The following TMX3 variants were observed in gnomAD, a reference collection of about 807,000 sequenced individuals.
TMX3 encodes the protein thioredoxin related transmembrane protein 3.
Under a neutral mutation model 64.4 loss-of-function variants are expected in TMX3, and 40 were observed. That is an observed-to-expected ratio of 0.62 (90% CI 0.48 to 0.81). The LOEUF (loss-of-function observed/expected upper bound fraction) is 0.81. TMX3 is among the 30% of genes least tolerant of loss of function. TMX3 has a pLI of 0.00. For missense variants in TMX3, 497 were observed against 534.5 expected, an observed-to-expected ratio of 0.93 and a Z score of 0.69; for synonymous variants, 189 against 175.7, an observed-to-expected ratio of 1.08 and a Z score of -0.60.
chr18:68,710,382 TGATTTAAAACA>T (rs2031155396), intron 3 of TMX3, among the ~76,000 whole-genome samples: 1 of 152,206 alleles, frequency 6.6e-6, no homozygotes, highest in Non-Finnish European at 1.5e-5. Context: ...AATTGACTAC[TGATTTAAAACA>T]GATATACAAT....
intron 14 of TMX3, 28 bp downstream of exon 14, chr18:68,680,953 C>T: frequency 6.5e-7 from 1 of 1,543,544 alleles, no homozygotes; most frequent in East Asian, 2.3e-5. Context: ...TGTCCATCAT[C>T]TCTTTGAAAC....
intron 6 of TMX3, among the ~76,000 whole-genome samples, chr18:68,698,979 G>A (rs975848597): frequency 6.7e-6 from 1 of 150,262 alleles, no homozygotes; most frequent in African/African-American, 2.5e-5. Context: ...CCGAGACAGC[G>A]CCACTGCAGT....
intron 13 of TMX3, among the ~76,000 whole-genome samples, chr18:68,682,710 T>G (rs1203437559): frequency 9.0e-6 from 1 of 111,560 alleles, no homozygotes; most frequent in Non-Finnish European, 1.6e-5. Context: ...AGGAGATAAT[T>G]TTTTTTTTTT....
intron 9 of TMX3, chr18:68,690,081 T>A (rs1001029021): frequency 2.6e-4 from 40 of 152,334 alleles, no homozygotes; most frequent in African/African-American, 9.4e-4. Context: ...ATGCTACTTA[T>A]AATAAAACAA....
intron 6 of TMX3, among the ~76,000 whole-genome samples, chr18:68,699,863 G>A (rs1453131669): frequency 6.6e-6 from 1 of 152,118 alleles, no homozygotes; most frequent in Non-Finnish European, 1.5e-5. Flanking sequence ...CAGATCCTTT[G>A]GGTTTTAACT....
chr18:68,703,337 C>T (rs2030315564), intron 4 of TMX3, among the ~76,000 whole-genome samples: 2 of 152,080 alleles, frequency 1.3e-5, no homozygotes, highest in African/African-American at 2.4e-5. Flanking sequence ...CTTTGTATAA[C>T]TTAAATTATA....
chr18:68,701,505 C>T (rs928935699), intron 5 of TMX3: 5 of 749,682 alleles, frequency 6.7e-6, no homozygotes, highest in African/African-American at 5.3e-5. Context: ...ACTTGTCCTG[C>T]ACAGTGCGTG....
chr18:68,681,156 A>G, intron 13 of TMX3, 46 bp from the exon 14 acceptor site: 1 of 1,441,978 alleles, frequency 6.9e-7, no homozygotes, highest in Non-Finnish European at 9.2e-7. Flanking sequence ...ACACAGCAAT[A>G]GCAAGTATTC....
intron 2 of TMX3, 47 bp from the exon 3 acceptor site, chr18:68,711,450 T>A: frequency 4.4e-6 from 6 of 1,371,406 alleles, no homozygotes; most frequent in African/African-American, 1.4e-5. Flanking sequence ...TGTGTCCACT[T>A]TACAACTGTA....
chr18:68,683,087 T>C, intron 12 of TMX3, 106 bp from the exon 13 acceptor site: 1 of 1,039,548 alleles, frequency 9.6e-7, no homozygotes, highest in Non-Finnish European at 1.4e-6. Flanking sequence ...ACAATGAAGT[T>C]AAATTCAGGC....
chr18:68,676,793 AC>A lies in TMX3; in HGVS notation c.*139del. ...ACACTTCCCCATGTATGGAGGGACT[AC>A]TTTAATCCATGCAGTTGATATTAGC... On this transcript the variant is annotated 3_prime_UTR_variant, in exon 16 of 16. Coordinates refer to ENST00000299608, the MANE Select transcript of TMX3 (RefSeq NM_019022.5). 1 of 1,027,248 alleles carries A rather than the reference AC, an allele frequency of 9.7e-7. No homozygotes were observed. Among genetic ancestry groups the A allele is most frequent in the South Asian group, 1.7e-5 (1 of 58,222 alleles). 63.6% of individuals were successfully genotyped at this position (1,027,248 alleles called of 1,614,324 possible).
chr18:68,700,303 T>C (rs1384770714), intron 6 of TMX3, 102 bp downstream of exon 6: 2 of 731,904 alleles, frequency 2.7e-6, no homozygotes, highest in Non-Finnish European at 4.3e-6. Flanking sequence ...AAATTTTACC[T>C]AGGTATGTCC....
chr18:68,694,776 C>T (rs901215031), intron 8 of TMX3, among the ~76,000 whole-genome samples: 2 of 152,146 alleles, frequency 1.3e-5, no homozygotes, highest in Non-Finnish European at 2.9e-5. Context: ...TGAGGTTCCT[C>T]CAGGAGTTGA....
chr18:68,697,771 G>A, intron 7 of TMX3, 161 bp downstream of exon 7: 1 of 518,414 alleles, frequency 1.9e-6, no homozygotes, highest in Non-Finnish European at 3.4e-6. Flanking sequence ...CATGACAGAA[G>A]GTATAGAAGG....
intron 8 of TMX3, among the ~76,000 whole-genome samples, chr18:68,695,034 C>T (rs1273452812): frequency 6.6e-6 from 1 of 152,106 alleles, no homozygotes. Flanking sequence ...TGCCAAATTC[C>T]TAAGGTCCCC....
chr18:68,686,300 T>C (rs950254659), intron 10 of TMX3, among the ~76,000 whole-genome samples: 2 of 152,226 alleles, frequency 1.3e-5, no homozygotes, highest in Admixed American at 6.5e-5. Context: ...ATGTGTTCAG[T>C]TGAGCCAAAG....
chr18:68,681,243 T>C (rs1186607653), intron 13 of TMX3, 133 bp from the exon 14 acceptor site: 2 of 820,334 alleles, frequency 2.4e-6, no homozygotes, highest in Non-Finnish European at 3.4e-6. Context: ...TGGTAGAAAA[T>C]GATCAAATAG....
In TMX3 at chr18:68,677,100, C is replaced by T. The variant is rs752445415; in HGVS notation, c.1198G>A (p.Asp400Asn). The change falls in exon 16 of 16, where the codon GAC becomes AAC. Residue 400 changes from aspartate to asparagine, a missense_variant. Transcript: ENST00000299608. ...TCTTCTATATAACCTCCATCTGTGTCGGCTGTGTAGATTCCATAGCACATG... is the reference window on the plus strand; with the variant it reads ...TCTTCTATATAACCTCCATCTGTGTTGGCTGTGTAGATTCCATAGCACATG... ...SIMCYGIYTA[D>N]TDGGYIEERY... The T allele has an allele frequency of 6.2e-6, 10 of 1,613,626 alleles. No individual in the cohort carries two copies. The highest frequency in any genetic ancestry group is 8.5e-6 in the Non-Finnish European group (10 of 1,179,798).
In TMX3 at chr18:68,712,993, T is replaced by C. The variant is rs187402585; in HGVS notation, c.101+853A>G. Among the ~76,000 whole-genome samples, 3 of 134,140 alleles carry C rather than the reference T, an allele frequency of 2.2e-5. No individual in the cohort carries two copies. The Admixed American group carries it at 2.4e-4, about 11-fold the overall frequency. The allele number at this position is 134,140 out of a possible 152,430, so 88.0% of individuals were successfully genotyped here. On this transcript the variant is annotated intron_variant, in intron 2 of 15. Coordinates refer to ENST00000299608, the MANE Select transcript of TMX3 (RefSeq NM_019022.5). ...TATTCACTTACTGTGACAGTGCAAG[T>C]CAAGAGGTTTAAAAAAAAAAAAAAA...
Sources: gnomAD v4.1 joint callset for allele counts (sites outside exome capture counted in the v4.1 genomes callset) on GRCh38, gnomAD v4.1.1 for gene constraint, MANE v1.5 for transcripts, NCBI Gene and HGNC (gene_info 2026-07-23, HGNC 2026-07-21) for gene names.